ITFG1: variants seen among roughly 807,000 people sequenced by gnomAD.
ITFG1 encodes the protein integrin alpha FG-GAP repeat containing 1, also known as T-cell immunomodulatory protein.
Under a neutral mutation model 81.8 loss-of-function variants are expected in ITFG1, and 34 were observed. The observed-to-expected ratio is 0.42, with a 90% CI of 0.32 to 0.55. The LOEUF is 0.55. Ranked by LOEUF, ITFG1 falls within the 20% of genes least tolerant of loss-of-function variation. The pLI is 0.17. For missense variants in ITFG1, 672 were observed against 755.4 expected (o/e 0.89, Z 1.29); for synonymous variants, 285 against 270.6 (o/e 1.05, Z -0.52).
chr16:47,217,101 GT>G (rs1174863167), intron 14 of ITFG1, among the ~76,000 whole-genome samples: 1 of 151,566 alleles, frequency 6.6e-6, no homozygotes, highest in African/African-American at 2.4e-5. Flanking sequence ...AGGATTATCT[GT>G]ATGAACAGAT....
intron 14 of ITFG1, among the ~76,000 whole-genome samples, chr16:47,192,051 T>A (rs1394093042): frequency 6.6e-6 from 1 of 152,210 alleles, no homozygotes; most frequent in Non-Finnish European, 1.5e-5. Flanking sequence ...AAGTGCTGGA[T>A]TACAGGTGTG....
chr16:47,390,749 C>T (rs908984375), intron 6 of ITFG1, among the ~76,000 whole-genome samples: 3 of 152,068 alleles, frequency 2.0e-5, no homozygotes, highest in South Asian at 2.1e-4. Context: ...AGTGAGTGAC[C>T]GTGCCCGGCC....
intron 14 of ITFG1, among the ~76,000 whole-genome samples, chr16:47,193,693 CAAAT>C (rs1023365675): frequency 1.3e-5 from 2 of 151,898 alleles, no homozygotes; most frequent in Non-Finnish European, 2.9e-5. Flanking sequence ...GACCTTGTCT[CAAAT>C]AAATAAATAC....
In ITFG1 at chr16:47,451,556, AGT is replaced by A. The variant is rs1457480865; in HGVS notation, c.486-88_486-87del. 6 of 716,422 alleles carry A rather than the reference AGT, an allele frequency of 8.4e-6. No individual in the cohort carries two copies. In the East Asian group the frequency reaches 1.6e-4, roughly 19 times the overall value. 44.4% of individuals were successfully genotyped at this position (716,422 alleles called of 1,614,324 possible). On this transcript the variant is annotated intron_variant, in intron 4 of 17. Transcript: ENST00000320640. ...TTAAAAGAAGCAGTAACTTTTGGGA[AGT>A]GTGGTAGACATTACAATGCTCGCCA...
chr16:47,224,085 G>C (rs988942760), intron 13 of ITFG1, among the ~76,000 whole-genome samples: 10 of 150,472 alleles, frequency 6.6e-5, no homozygotes, highest in Non-Finnish European at 1.2e-4. Context: ...GGAGGGGAGG[G>C]ATAGCATTGG....
chr16:47,193,130 C>T lies in ITFG1; in HGVS notation c.1453+25738G>A, dbSNP rs75816510. 1.0e-3 allele frequency among the ~76,000 whole-genome samples: 156 copies of T among 151,884 alleles called. 1 individual carries two copies. In the East Asian group the frequency reaches 0.019, roughly 19 times the overall value. ...GTGAGGATAAGAGTACAACTTCCAA[C>T]CTCTTTACATGTTGGATGGGAAACC... On this transcript the variant is annotated intron_variant, in intron 14 of 17. Coordinates refer to ENST00000320640, the MANE Select transcript of ITFG1 (RefSeq NM_030790.5).
chr16:47,232,875 A>G (rs1567430761), intron 13 of ITFG1, among the ~76,000 whole-genome samples: 1 of 152,088 alleles, frequency 6.6e-6, no homozygotes, highest in Non-Finnish European at 1.5e-5. Flanking sequence ...TCCTGGGCTC[A>G]AGAGATCCTC....
chr16:47,185,764 C>T (rs886938273), intron 14 of ITFG1, among the ~76,000 whole-genome samples: 2 of 152,072 alleles, frequency 1.3e-5, no homozygotes, highest in Non-Finnish European at 2.9e-5. Flanking sequence ...AAAATCAGAG[C>T]AGAACTGAAG....
chr16:47,291,132 A>G (rs1321340995), intron 10 of ITFG1, among the ~76,000 whole-genome samples: 1 of 151,496 alleles, frequency 6.6e-6, no homozygotes, highest in Admixed American at 6.6e-5. Flanking sequence ...TCTCTGCTGA[A>G]CTACAGCTTT....
intron 8 of ITFG1, among the ~76,000 whole-genome samples, chr16:47,342,734 T>C (rs1404682444): frequency 6.6e-5 from 10 of 152,028 alleles, no homozygotes; most frequent in Non-Finnish European, 5.9e-5. Context: ...CCCCCAAAAA[T>C]TTAGCAAGCA....
intron 13 of ITFG1, among the ~76,000 whole-genome samples, chr16:47,237,589 T>C (rs770877474): frequency 6.6e-6 from 1 of 152,230 alleles, no homozygotes; most frequent in Non-Finnish European, 1.5e-5. Flanking sequence ...ACTATATGCT[T>C]GTCTCTGCGA....
intron 6 of ITFG1, among the ~76,000 whole-genome samples, chr16:47,404,564 C>T (rs1356737587): frequency 1.3e-5 from 2 of 152,186 alleles, no homozygotes; most frequent in East Asian, 1.9e-4. Flanking sequence ...CTTTTTTCTT[C>T]CTCCTCTACA....
At chr16:47,409,375 T>C (rs1283226720) in intron 6 of ITFG1, among the ~76,000 whole-genome samples, 2 of 12,660 alleles carry the variant, frequency 1.6e-4, no homozygotes, top group East Asian at 6.4e-3. Context: ...ACACACACAC[T>C]ATATATATAT....
At chr16:47,210,963 TA>T (rs1158664352) in intron 14 of ITFG1, among the ~76,000 whole-genome samples, 1 of 152,298 alleles carries the variant, frequency 6.6e-6, no homozygotes, top group East Asian at 1.9e-4. Flanking sequence ...GTTTTGCCAT[TA>T]AAAAATGACA....
intron 8 of ITFG1, among the ~76,000 whole-genome samples, chr16:47,365,398 A>G (rs1017210744): frequency 8.3e-6 from 1 of 120,348 alleles, no homozygotes; most frequent in African/African-American, 5.4e-5. Flanking sequence ...ATTAAGTTGT[A>G]ATAAAAATGG....
intron 14 of ITFG1, among the ~76,000 whole-genome samples, chr16:47,164,140 C>T (rs1964854548): frequency 1.3e-5 from 2 of 149,966 alleles, no homozygotes; most frequent in Non-Finnish European, 3.0e-5. Flanking sequence ...TAACCCCACC[C>T]AAGGGTTTGT....
At chr16:47,455,397 A>C (rs1259267979) in intron 2 of ITFG1, among the ~76,000 whole-genome samples, 3 of 152,016 alleles carry the variant, frequency 2.0e-5, no homozygotes, top group East Asian at 1.9e-4. Flanking sequence ...TATAAAAAAA[A>C]AAACAAACCA....
At position 47,178,905 on chromosome 16, in the gene ITFG1, A is replaced by C. The variant is rs264331; in HGVS notation, c.1454-16241T>G. On this transcript the variant is annotated intron_variant, in intron 14 of 17. Coordinates refer to ENST00000320640, the MANE Select transcript of ITFG1 (RefSeq NM_030790.5). The stretch of plus-strand genomic sequence containing the variant: ...GAAAAAATCAAACAACCCCATCAAA[A>C]AGTGGGCAAAGGATATGAACAGACA... Among the ~76,000 whole-genome samples the C allele has an allele frequency of 8.2e-3, 1,247 of 152,354 alleles. 11 individuals are homozygous for C. Among genetic ancestry groups the C allele is most frequent in the Non-Finnish European group, 0.01 (709 of 68,038 alleles).
chr16:47,199,683 G>C (rs1203039996), intron 14 of ITFG1, among the ~76,000 whole-genome samples: 2 of 152,140 alleles, frequency 1.3e-5, no homozygotes, highest in African/African-American at 4.8e-5. Flanking sequence ...TGGACCGGGG[G>C]TGGGGGATGG....
Sources: gnomAD v4.1 joint callset for allele counts (sites outside exome capture counted in the v4.1 genomes callset) on GRCh38, gnomAD v4.1.1 for gene constraint, MANE v1.5 for transcripts, NCBI Gene and HGNC (gene_info 2026-07-23, HGNC 2026-07-21) for gene names.